ERICH6B: variants seen among roughly 807,000 people sequenced by gnomAD.
ERICH6B encodes the protein glutamate-rich protein 6B.
A neutral mutation model predicts 80.0 loss-of-function variants in ERICH6B; 69 were observed. The observed-to-expected ratio is 0.86, with a 90% CI of 0.71 to 1.05. The LOEUF (loss-of-function observed/expected upper bound fraction) is 1.05. Among genes scored for constraint, ERICH6B ranks in the 50% least tolerant of loss-of-function variants. The pLI is 0.00. For synonymous variants in ERICH6B, 283 were observed against 291.9 expected, an observed-to-expected ratio of 0.97 and a Z score of 0.31; for missense variants, 754 against 796.1, an observed-to-expected ratio of 0.95 and a Z score of 0.64.
chr13:45,586,966 A>T, intron 5 of ERICH6B, 97 bp downstream of exon 5: 1 of 1,289,626 alleles, frequency 7.8e-7, no homozygotes, highest in Non-Finnish European at 1.1e-6. Context: ...CATGAAAGGC[A>T]ATACTCGAGC....
intron 9 of ERICH6B, 93 bp from the exon 10 acceptor site, chr13:45,563,881 GTC>G: frequency 2.8e-6 from 3 of 1,088,766 alleles, no homozygotes; most frequent in Non-Finnish European, 4.0e-6. Flanking sequence ...AGCCTGCAGA[GTC>G]TCTTTCGCAG....
chr13:45,541,759 T>C (rs1202486050), intron 14 of ERICH6B, 79 bp from the exon 15 acceptor site: 1 of 1,350,404 alleles, frequency 7.4e-7, no homozygotes, highest in Non-Finnish European at 1.0e-6. Flanking sequence ...AGATCTCCTG[T>C]GGCCAGGACC....
chr13:45,556,273 GC>G (rs1170548177), intron 11 of ERICH6B, among the ~76,000 whole-genome samples: 1 of 152,092 alleles, frequency 6.6e-6, no homozygotes, highest in African/African-American at 2.4e-5. Context: ...TTAGCAGAGT[GC>G]CTAGGGCACC....
At chr13:45,574,812 G>T (rs557182075) in intron 8 of ERICH6B, 30 bp downstream of exon 8, 46 of 1,504,396 alleles carry the variant, frequency 3.1e-5, no homozygotes, top group Middle Eastern at 3.4e-4. Flanking sequence ...GGAAGCTGGG[G>T]GGGGGGTCTC....
intron 1 of ERICH6B, among the ~76,000 whole-genome samples, chr13:45,609,024 C>T (rs1264809001): frequency 6.6e-6 from 1 of 152,226 alleles, no homozygotes; most frequent in Admixed American, 6.5e-5. Context: ...GTCCTGAATC[C>T]GTTCTTCCTG....
At chr13:45,585,663 A>T (rs1875869291) in intron 5 of ERICH6B, among the ~76,000 whole-genome samples, 1 of 152,182 alleles carries the variant, frequency 6.6e-6, no homozygotes, top group African/African-American at 2.4e-5. Context: ...CCAATGTCAC[A>T]ATATTTGATC....
intron 11 of ERICH6B, among the ~76,000 whole-genome samples, chr13:45,554,076 C>T (rs1322138389): frequency 6.6e-6 from 1 of 152,176 alleles, no homozygotes; most frequent in Non-Finnish European, 1.5e-5. Context: ...CAATAGACCT[C>T]TTAAACTTAT....
chr13:45,580,200 A>G (rs1875598779), intron 6 of ERICH6B, among the ~76,000 whole-genome samples: 1 of 152,082 alleles, frequency 6.6e-6, no homozygotes, highest in Non-Finnish European at 1.5e-5. Context: ...TTCTTATTGT[A>G]TCTTGCCCAC....
rs1360602571 is a variant in ERICH6B, at chr13:45,606,499, GTATGTGTATATATATATATATATATATA to G, written c.-59+1037_-59+1064del. Among the ~76,000 whole-genome samples, 116 of 40,758 alleles carry G rather than the reference GTATGTGTATATATATATATATATATATA, an allele frequency of 2.8e-3. 10 individuals are homozygous for G. Among genetic ancestry groups the G allele is most frequent in the South Asian group, 9.8e-3 (11 of 1,122 alleles). The allele number at this position is 40,758 out of a possible 152,430, so 26.7% of individuals were successfully genotyped here. A position where few individuals can be genotyped will look rare whatever the true frequency, so the allele number is the denominator to read the frequency against. ...TCTTCTTGGCTGAGATCCCAAAAGT[GTATGTGTATATATATATATATATATATA>G]TATATATATATATATATATATTTTT... is the stretch of plus-strand genomic sequence containing the variant. On this transcript the variant is annotated intron_variant, in intron 2 of 14. Transcript: ENST00000298738.
chr13:45,559,122 T>G (rs1329933968), intron 11 of ERICH6B, among the ~76,000 whole-genome samples: 1 of 152,208 alleles, frequency 6.6e-6, no homozygotes, highest in Admixed American at 6.5e-5. Context: ...TCTTCCTGAT[T>G]TAAGCTAGGA....
chr13:45,577,276 CTTTTTT>C (rs34244794), intron 7 of ERICH6B, among the ~76,000 whole-genome samples: 7 of 86,088 alleles, frequency 8.1e-5, no homozygotes, highest in African/African-American at 2.1e-4. Context: ...AAAAACAAAT[CTTTTTT>C]TTTTTTTTTT....
At chr13:45,552,903 GGAGTCCT>G (rs1363102507) in intron 11 of ERICH6B, 1 of 203,266 alleles carries the variant, frequency 4.9e-6, no homozygotes, top group Non-Finnish European at 1.1e-5. Context: ...GGTTGGCCAT[GGAGTCCT>G]GTCTGGCTGC....
chr13:45,595,055 G>A (rs143214002), intron 3 of ERICH6B, among the ~76,000 whole-genome samples: 1 of 152,226 alleles, frequency 6.6e-6, no homozygotes, highest in Non-Finnish European at 1.5e-5. Flanking sequence ...TTTAGCCCTT[G>A]GATGAGAAAA....
intron 7 of ERICH6B, among the ~76,000 whole-genome samples, chr13:45,575,245 G>A (rs934944253): frequency 6.6e-6 from 1 of 152,238 alleles, no homozygotes; most frequent in African/African-American, 2.4e-5. Flanking sequence ...TAAGGAATGC[G>A]CAGGCAGAAG....
At position 45,550,283 on chromosome 13, in the gene ERICH6B, G is replaced by T. The variant is rs772560446; in HGVS notation, c.1441C>A (p.Pro481Thr). 1 of 1,551,578 alleles carries T rather than the reference G, an allele frequency of 6.4e-7. No homozygotes were observed. The change falls in exon 12 of 15, where the codon CCC becomes ACC. Residue 481 changes from proline to threonine, a missense_variant. By Grantham distance (38) the Pro-to-Thr change is conservative (BLOSUM62 -1). Coordinates refer to ENST00000298738, the MANE Select transcript of ERICH6B (RefSeq NM_182542.3). The stretch of plus-strand genomic sequence containing the variant: ...AGAATTTGATAGACATTCTTGTTGG[G>T]GTAGAGAATTAATTTTCCATCACCT... ...HQGDGKLILY[P>T]NKNVYQILFP...
At chr13:45,600,097 G>C (rs1180357391) in intron 2 of ERICH6B, among the ~76,000 whole-genome samples, 2 of 152,196 alleles carry the variant, frequency 1.3e-5, no homozygotes, top group African/African-American at 4.8e-5. Context: ...CCCAACCACA[G>C]CTATGTCTGC....
intron 8 of ERICH6B, among the ~76,000 whole-genome samples, chr13:45,571,967 T>C (rs1875190968): frequency 6.6e-6 from 1 of 152,202 alleles, no homozygotes; most frequent in Admixed American, 6.5e-5. Flanking sequence ...AGAACTATGA[T>C]ATAGTAAATT....
At chr13:45,560,888 A>G (rs1255205914) in intron 11 of ERICH6B, among the ~76,000 whole-genome samples, 1 of 152,108 alleles carries the variant, frequency 6.6e-6, no homozygotes, top group African/African-American at 2.4e-5. Context: ...ATGGATTCTA[A>G]TTTGTTAGGG....
At chr13:45,579,361 C>G (rs1413494080) in intron 7 of ERICH6B, among the ~76,000 whole-genome samples, 3 of 152,148 alleles carry the variant, frequency 2.0e-5, no homozygotes, top group African/African-American at 7.2e-5. Flanking sequence ...TAAAACAGAT[C>G]TTAGTCCCTA....
Sources: allele counts gnomAD v4.1 joint callset (sites outside exome capture counted in the v4.1 genomes callset), GRCh38; gene constraint gnomAD v4.1.1; transcripts MANE v1.5; gene names NCBI Gene and HGNC (gene_info 2026-07-23, HGNC 2026-07-21).